The following PREX1 variants were observed in gnomAD, a reference collection of about 807,000 sequenced individuals.
PREX1 encodes phosphatidylinositol 3,4,5-trisphosphate-dependent Rac exchanger 1 protein.
PREX1 carries 41 observed loss-of-function variants against 198.3 expected under a neutral mutation model. The ratio of observed to expected loss-of-function variants is 0.21; its 90% CI spans 0.16 to 0.27. The LOEUF is 0.27. Among genes scored for constraint, PREX1 ranks in the 10% least tolerant of loss-of-function variants. The probability of loss-of-function intolerance (pLI) is 1.00; values close to 1 mark genes in which losing one functional copy is unlikely to be tolerated. For missense variants in PREX1, 1,620 were observed against 2,200.7 expected, an observed-to-expected ratio of 0.74 and a Z score of 5.28; for synonymous variants, 843 against 887.2, an observed-to-expected ratio of 0.95 and a Z score of 0.89.
chr20:48,652,239 C>A (rs1452427341), intron 21 of PREX1, among the ~76,000 whole-genome samples: 1 of 151,878 alleles, frequency 6.6e-6, no homozygotes, highest in Non-Finnish European at 1.5e-5. Context: ...AAGAGACCAG[C>A]CTGGGCAACA....
intron 14 of PREX1, among the ~76,000 whole-genome samples, chr20:48,670,729 C>T (rs1434229715): frequency 6.6e-6 from 1 of 152,190 alleles, no homozygotes; most frequent in African/African-American, 2.4e-5. Context: ...GCCTCTGACA[C>T]CCCTGAGAGG....
intron 33 of PREX1, 136 bp from the exon 34 acceptor site, chr20:48,632,775 C>T (rs73138126): frequency 0.076 from 70,122 of 919,108 alleles, 3,503 homozygotes; most frequent in East Asian, 0.17. Context: ...CCTGTTCTCC[C>T]GACTCTACAG....
the PREX1 span, among the ~76,000 whole-genome samples, chr20:48,846,119 G>C: frequency 6.6e-6 from 1 of 152,110 alleles, no homozygotes. Flanking sequence ...CCATTTTATT[G>C]ATGAAGAAAC....
intron 12 of PREX1, 29 bp from the exon 13 acceptor site, chr20:48,679,438 G>A (rs1369786261): frequency 6.2e-7 from 1 of 1,606,712 alleles, no homozygotes; most frequent in Non-Finnish European, 8.5e-7. Flanking sequence ...GGAATTCTGG[G>A]ATCAGGCCAC....
chr20:48,676,080 G>T (rs1037591477), intron 14 of PREX1, 113 bp downstream of exon 14: 10 of 1,010,846 alleles, frequency 9.9e-6, no homozygotes, highest in Non-Finnish European at 1.2e-5. Flanking sequence ...TTTATGTTCT[G>T]TGCAGTTTGC....
At chr20:48,768,234 G>C (rs920039767) in intron 1 of PREX1, among the ~76,000 whole-genome samples, 3 of 152,174 alleles carry the variant, frequency 2.0e-5, no homozygotes, top group African/African-American at 7.2e-5. Context: ...TTAGCACAGA[G>C]AATGGAACAC....
intron 33 of PREX1, among the ~76,000 whole-genome samples, chr20:48,634,461 G>C (rs999504212): frequency 6.6e-6 from 1 of 152,186 alleles, no homozygotes; most frequent in African/African-American, 2.4e-5. Context: ...GAAATAGCCG[G>C]GTTCATACAA....
At position 48,636,583 on chromosome 20, in the gene PREX1, G is replaced by A. The variant is rs760863468; in HGVS notation, c.4047C>T (p.Arg1349=). 2.5e-6 allele frequency: 4 copies of A among 1,611,800 alleles called. No individual in the cohort carries two copies. In the South Asian group the frequency reaches 4.4e-5, roughly 18 times the overall value. ...CCTCGTACTCGCCATTGTTGTTGTA[G>A]CGGTAGCCCAGGGCCGCCAGCAGCT... is the stretch of plus-strand genomic sequence containing the variant. ...SKQLLAALGY[R]YNNNGEYEES... is the part of the protein sequence containing the mutation. Residue 1349 remains arginine, a synonymous_variant, in exon 32 of 40, where the codon CGC becomes CGT. Transcript: ENST00000371941.
chr20:48,825,598 T>C (rs1321984734), intron 1 of PREX1, among the ~76,000 whole-genome samples: 4 of 152,142 alleles, frequency 2.6e-5, no homozygotes, highest in Admixed American at 6.5e-5. Context: ...AAACCACAGT[T>C]AACTCAAACA....
chr20:48,676,969 C>A (rs1260039940), intron 13 of PREX1, among the ~76,000 whole-genome samples: 1 of 152,196 alleles, frequency 6.6e-6, no homozygotes, highest in Non-Finnish European at 1.5e-5. Context: ...TGAATCCCTG[C>A]CGAGCCTGGA....
intron 1 of PREX1, among the ~76,000 whole-genome samples, chr20:48,811,230 G>T (rs2090432617): frequency 6.6e-6 from 1 of 151,956 alleles, no homozygotes; most frequent in Non-Finnish European, 1.5e-5. Context: ...TGCCAGGCTG[G>T]TCACGAACTC....
chr20:48,786,324 C>T (rs1568863663), intron 1 of PREX1, among the ~76,000 whole-genome samples: 1 of 152,120 alleles, frequency 6.6e-6, no homozygotes, highest in Non-Finnish European at 1.5e-5. Context: ...GGCAAACCTA[C>T]CCTTGGGGAC....
chr20:48,723,136 CAAA>C (rs963423006), intron 5 of PREX1, among the ~76,000 whole-genome samples: 2 of 152,176 alleles, frequency 1.3e-5, no homozygotes, highest in African/African-American at 2.4e-5. Flanking sequence ...GGGCTGTTCC[CAAA>C]AAGGCTTTCA....
At chr20:48,790,685 G>A (rs895882122) in intron 1 of PREX1, among the ~76,000 whole-genome samples, 4 of 152,106 alleles carry the variant, frequency 2.6e-5, no homozygotes, top group African/African-American at 9.7e-5. Context: ...AGGATCAGGG[G>A]CCTGTTAGGC....
intron 5 of PREX1, among the ~76,000 whole-genome samples, chr20:48,716,076 G>C (rs894969999): frequency 6.6e-6 from 1 of 152,116 alleles, no homozygotes; most frequent in Admixed American, 6.5e-5. Flanking sequence ...GCAGGTCCTG[G>C]GGATCCTTTA....
intron 19 of PREX1, among the ~76,000 whole-genome samples, 160 bp downstream of exon 19, chr20:48,655,130 G>GCATTTGTGTTTGCAAGTCTTGGCAT (rs1296741100): frequency 1.7e-4 from 26 of 152,286 alleles, no homozygotes; most frequent in African/African-American, 6.3e-4. Flanking sequence ...ACCCCAACAG[G>GCATTTGTGTTTGCAAGTCTTGGCAT]CATTTGTGTT....
chr20:48,874,371 CCGTGTGTGTGTGTG>C, the PREX1 span, among the ~76,000 whole-genome samples: 1 of 76,918 alleles, frequency 1.3e-5, no homozygotes, highest in African/African-American at 5.3e-5. Context: ...GGAGGGGTGT[CCGTGTGTGTGTGTG>C]TGTGTGTGTG....
chr20:48,804,876 A>C (rs1019147397), intron 1 of PREX1, among the ~76,000 whole-genome samples: 1 of 152,052 alleles, frequency 6.6e-6, no homozygotes, highest in Non-Finnish European at 1.5e-5. Flanking sequence ...GACTGGAAGG[A>C]GGGGGCCGCA....
chr20:48,642,711 C>T, intron 27 of PREX1: 2 of 502,092 alleles, frequency 4.0e-6, no homozygotes, highest in South Asian at 6.2e-5. Context: ...TAACGCATGA[C>T]AAGATTGTAA....
Sources: allele counts gnomAD v4.1 joint callset (sites outside exome capture counted in the v4.1 genomes callset), GRCh38; gene constraint gnomAD v4.1.1; transcripts MANE v1.5; gene names NCBI Gene and HGNC (gene_info 2026-07-23, HGNC 2026-07-21).